Variants in GRM7 observed in about 807,000 individuals in gnomAD.
GRM7 encodes glutamate metabotropic receptor 7.
A neutral mutation model predicts 84.5 loss-of-function variants in GRM7; 35 were observed. That is an observed-to-expected ratio of 0.41 (90% CI 0.32 to 0.55). The LOEUF (loss-of-function observed/expected upper bound fraction) is 0.55, where lower values mean the gene tolerates loss of function less well. Ranked by LOEUF, GRM7 falls within the 20% of genes least tolerant of loss-of-function variation. The pLI is 0.19. For synonymous variants in GRM7, 487 were observed against 455.1 expected, an observed-to-expected ratio of 1.07 and a Z score of -0.89; for missense variants, 1,003 against 1,194.6, an observed-to-expected ratio of 0.84 and a Z score of 2.36.
At chr3:6,972,955 A>G (rs1441444344) in intron 1 of GRM7, among the ~76,000 whole-genome samples, 1 of 152,224 alleles carries the variant, frequency 6.6e-6, no homozygotes, top group Non-Finnish European at 1.5e-5. Flanking sequence ...TTCATGGAAT[A>G]TTTCATGGGG....
chr3:7,266,425 G>A (rs1053720019), intron 2 of GRM7, among the ~76,000 whole-genome samples: 2 of 152,136 alleles, frequency 1.3e-5, no homozygotes, highest in Non-Finnish European at 2.9e-5. Flanking sequence ...GTAGGTAGAG[G>A]TTGCTGGAAA....
chr3:7,281,527 A>T (rs1444024864), intron 2 of GRM7, among the ~76,000 whole-genome samples: 1 of 152,240 alleles, frequency 6.6e-6, no homozygotes, highest in Non-Finnish European at 1.5e-5. Context: ...ATGATCATTT[A>T]TCTGCAGCTA....
At chr3:7,317,414 A>T (rs954557717) in intron 4 of GRM7, among the ~76,000 whole-genome samples, 1 of 152,150 alleles carries the variant, frequency 6.6e-6, no homozygotes, top group Admixed American at 6.6e-5. Flanking sequence ...TAGAATACCA[A>T]GTTGATTTTG....
chr3:7,711,263 G>A (rs181847135), intron 9 of GRM7, among the ~76,000 whole-genome samples: 2 of 152,204 alleles, frequency 1.3e-5, no homozygotes, highest in African/African-American at 2.4e-5. Flanking sequence ...CATTTGAGAT[G>A]AGACTAAATG....
intron 2 of GRM7, among the ~76,000 whole-genome samples, chr3:7,296,989 T>A (rs545677625): frequency 5.3e-5 from 8 of 152,086 alleles, no homozygotes; most frequent in Admixed American, 2.0e-4. Context: ...TCTATTATAT[T>A]TGTTTTCAAA....
intron 2 of GRM7, among the ~76,000 whole-genome samples, chr3:7,264,910 A>G (rs971732034): frequency 2.0e-5 from 3 of 152,344 alleles, no homozygotes; most frequent in Admixed American, 6.5e-5. Context: ...GTTGAGAGTC[A>G]ATGAAAGTTG....
At chr3:7,581,050 G>A (rs1051260888) in intron 8 of GRM7, among the ~76,000 whole-genome samples, 6 of 152,136 alleles carry the variant, frequency 3.9e-5, no homozygotes, top group Middle Eastern at 3.4e-3. Context: ...AACCTTTCCC[G>A]TAAGTTTATT....
At chr3:7,623,772 G>C (rs181658743) in intron 8 of GRM7, among the ~76,000 whole-genome samples, 1 of 152,162 alleles carries the variant, frequency 6.6e-6, no homozygotes, top group Non-Finnish European at 1.5e-5. Flanking sequence ...ATTACACACA[G>C]TACAGTATCT....
chr3:7,336,325 C>G (rs2125072410), intron 4 of GRM7, among the ~76,000 whole-genome samples: 1 of 151,890 alleles, frequency 6.6e-6, no homozygotes, highest in East Asian at 1.9e-4. Context: ...AAAAAAAGCA[C>G]TTGGCAAAAT....
chr3:7,737,612 A>C (rs1702548427), intron 9 of GRM7, among the ~76,000 whole-genome samples: 1 of 152,166 alleles, frequency 6.6e-6, no homozygotes, highest in Non-Finnish European at 1.5e-5. Context: ...AATACATTGG[A>C]CATTGCTGTG....
intron 1 of GRM7, among the ~76,000 whole-genome samples, chr3:7,117,330 C>A (rs1188823490): frequency 6.6e-6 from 1 of 152,164 alleles, no homozygotes; most frequent in Non-Finnish European, 1.5e-5. Flanking sequence ...CTGAAAAGAG[C>A]AAATAATACA....
chr3:7,505,265 C>T (rs892384737), intron 7 of GRM7, among the ~76,000 whole-genome samples: 11 of 152,226 alleles, frequency 7.2e-5, no homozygotes, highest in African/African-American at 2.4e-4. Context: ...TGGAGGGCTC[C>T]GCCTATGTAG....
At chr3:7,110,326 C>T (rs533273140) in intron 1 of GRM7, among the ~76,000 whole-genome samples, 1 of 152,130 alleles carries the variant, frequency 6.6e-6, no homozygotes, top group East Asian at 1.9e-4. Flanking sequence ...TCAGGCCAGG[C>T]ACGGTGGCTC....
At chr3:7,700,308 G>A (rs1245494855) in intron 9 of GRM7, among the ~76,000 whole-genome samples, 4 of 152,208 alleles carry the variant, frequency 2.6e-5, no homozygotes, top group Non-Finnish European at 5.9e-5. Context: ...AGCTGGAATT[G>A]TAGGATCCAA....
At chr3:7,076,698 T>C (rs146038753) in intron 1 of GRM7, among the ~76,000 whole-genome samples, 1 of 152,260 alleles carries the variant, frequency 6.6e-6, no homozygotes, top group East Asian at 1.9e-4. Context: ...TAAAGATCAC[T>C]GTTCAAAGGT....
chr3:7,728,774 T>C (rs1411989720), intron 9 of GRM7, among the ~76,000 whole-genome samples: 2 of 152,232 alleles, frequency 1.3e-5, no homozygotes, highest in Non-Finnish European at 2.9e-5. Flanking sequence ...TGGAGTGCTA[T>C]GGAGGCCTGT....
chr3:7,075,496 ATGTGTGTGTGTGTGTGTGTGTGTG>A (rs376048569), intron 1 of GRM7, among the ~76,000 whole-genome samples: 7 of 138,558 alleles, frequency 5.1e-5, no homozygotes, highest in South Asian at 2.4e-4. Flanking sequence ...TGCTTCTCAG[ATGTGTGTGTGTGTGTGTGTGTGTG>A]TGTGTGTGTG....
In GRM7 at chr3:6,932,751, C is replaced by CTTTTTTT. The variant is rs35962540; in HGVS notation, c.519+70859_519+70865dup. Reference sequence around the variant, plus strand: ...TTTTTTAATGTTTTCTTCTTTCTCTCTTTTTTTTTTTTTTTTTTTTTGAGA... The same window carrying CTTTTTTT: ...TTTTTTAATGTTTTCTTCTTTCTCTCTTTTTTTTTTTTTTTTTTTTTTTTTTTTGAGA... On this transcript the variant is annotated intron_variant, in intron 1 of 9. Coordinates refer to ENST00000357716, the MANE Select transcript of GRM7 (RefSeq NM_000844.4). Among the ~76,000 whole-genome samples the CTTTTTTT allele has an allele frequency of 6.4e-5, 6 of 93,810 alleles. 1 individual carries two copies. Among genetic ancestry groups the CTTTTTTT allele is most frequent in the African/African-American group, 4.7e-5 (1 of 21,212 alleles). 61.5% of individuals were successfully genotyped at this position (93,810 alleles called of 152,430 possible). A position where few individuals can be genotyped will look rare whatever the true frequency, so the allele number is the denominator to read the frequency against.
intron 7 of GRM7, among the ~76,000 whole-genome samples, chr3:7,559,820 A>G (rs143876129): frequency 2.8e-3 from 420 of 152,146 alleles, no homozygotes; most frequent in Middle Eastern, 0.01. Flanking sequence ...TAGATGTCCA[A>G]CATCAAAGTG....
Sources: allele counts gnomAD v4.1 joint callset (sites outside exome capture counted in the v4.1 genomes callset), GRCh38; gene constraint gnomAD v4.1.1; transcripts MANE v1.5; gene names NCBI Gene and HGNC (gene_info 2026-07-23, HGNC 2026-07-21).